The following TRPM3 variants were observed in gnomAD, a reference collection of about 807,000 sequenced individuals.
The protein encoded by TRPM3 is long transient receptor potential channel 3.
TRPM3 carries 77 observed loss-of-function variants against 181.2 expected under a neutral mutation model. That is an observed-to-expected ratio of 0.42 (90% CI 0.35 to 0.51). TRPM3 has a LOEUF of 0.51. TRPM3 is among the 20% of genes least tolerant of loss of function. The pLI is 0.01. For synonymous variants in TRPM3, 745 were observed against 796.4 expected, an observed-to-expected ratio of 0.94 and a Z score of 1.09; for missense variants, 1,759 against 2,196.7, an observed-to-expected ratio of 0.80 and a Z score of 3.98.
At chr9:70,949,017 A>C (rs781573568) in intron 1 of TRPM3, among the ~76,000 whole-genome samples, 1 of 152,080 alleles carries the variant, frequency 6.6e-6, no homozygotes, top group African/African-American at 2.4e-5. Context: ...CAACAATTAG[A>C]CTTAAATGTA....
In TRPM3 at chr9:70,537,171, G is replaced by A. The variant is rs1015516733; in HGVS notation, c.3942C>T (p.Asn1314=). The part of the protein sequence containing the change: ...AAYIVRQSSF[N]SQEGNTFKLQ... ...GCTTGAAGGTGTTCCCTTCCTGGCT[G>A]TTGAAGCTGCTCTGACGGACAATGT... The change falls in exon 26 of 26, where the codon AAC becomes AAT. Residue 1314 remains asparagine (N), a synonymous_variant. Transcript: ENST00000677713. 5 of 1,589,748 alleles carry A rather than the reference G, an allele frequency of 3.1e-6. No individual in the cohort carries two copies. The African/African-American group carries it at 6.7e-5, about 21-fold the overall frequency.
At chr9:71,072,168 A>G (rs2133565719) in intron 1 of TRPM3, among the ~76,000 whole-genome samples, 1 of 152,292 alleles carries the variant, frequency 6.6e-6, no homozygotes. Flanking sequence ...TCTAGTTTCC[A>G]GGAGTTTATG....
In TRPM3 at chr9:70,857,394, G is replaced by A. The variant is rs573913729; in HGVS notation, c.462+5514C>T. On this transcript the variant is annotated intron_variant, in intron 3 of 25. Coordinates refer to ENST00000677713, the MANE Select transcript of TRPM3 (RefSeq NM_001366145.2). ...GAGGACTGAACACTACAAAGTACTC[G>A]AAAAGGCACAGAAAATGGTTCTGTG... Among the ~76,000 whole-genome samples, 14 of 152,224 alleles carry A rather than the reference G, an allele frequency of 9.2e-5. No individual in the cohort carries two copies. The South Asian group carries it at 2.5e-3, about 27-fold the overall frequency.
chr9:70,942,592 T>C (rs2096896592), intron 1 of TRPM3, among the ~76,000 whole-genome samples: 1 of 152,218 alleles, frequency 6.6e-6, no homozygotes, highest in Non-Finnish European at 1.5e-5. Context: ...ACTTTTCCAG[T>C]AATGAAGGCT....
At chr9:70,750,626 G>C (rs11142565) in intron 8 of TRPM3, among the ~76,000 whole-genome samples, 33,242 of 152,156 alleles carry the variant, frequency 0.22, 4,465 homozygotes, top group Non-Finnish European at 0.3. Context: ...GCAGATGTGA[G>C]AGACACTGCC....
intron 1 of TRPM3, among the ~76,000 whole-genome samples, chr9:71,329,666 T>A (rs2089971646): frequency 6.6e-6 from 1 of 152,312 alleles, no homozygotes; most frequent in Admixed American, 6.5e-5. Context: ...ATCTTAAATA[T>A]CTTGCATCAA....
intron 1 of TRPM3, among the ~76,000 whole-genome samples, chr9:71,215,759 TA>T (rs2079824632): frequency 6.6e-6 from 1 of 152,218 alleles, no homozygotes. Context: ...TTTAATTGTG[TA>T]AGGCACTTGC....
intron 1 of TRPM3, among the ~76,000 whole-genome samples, chr9:70,957,154 G>C (rs2097085269): frequency 6.6e-6 from 1 of 151,824 alleles, no homozygotes; most frequent in Middle Eastern, 3.2e-3. Flanking sequence ...AGTAGAGACG[G>C]GGTTTCACCA....
At chr9:70,766,625 A>C (rs955635200) in intron 7 of TRPM3, among the ~76,000 whole-genome samples, 1 of 146,928 alleles carries the variant, frequency 6.8e-6, no homozygotes, top group Non-Finnish European at 1.5e-5. Flanking sequence ...CAAATTACTA[A>C]ATGTTATATT....
At chr9:70,604,715 C>G (rs10868859) in intron 19 of TRPM3, among the ~76,000 whole-genome samples, 82,470 of 151,868 alleles carry the variant, frequency 0.54, 23,558 homozygotes, top group Non-Finnish European at 0.63. Context: ...ATTGTGATCT[C>G]GGCTCATTGT....
intron 1 of TRPM3, among the ~76,000 whole-genome samples, chr9:71,248,915 C>A (rs1453471427): frequency 6.6e-6 from 1 of 152,086 alleles, no homozygotes; most frequent in African/African-American, 2.4e-5. Flanking sequence ...AGATAAAAAT[C>A]TTCATGAAGG....
At position 70,744,996 on chromosome 9, in the gene TRPM3, G is replaced by C. The variant is rs539862505; in HGVS notation, c.1272+16605C>G. ...TCTTGGTTTCTCTCTGTAAAATGGAGATACTAATACCGACCTCAGCAAGGT... is the reference window on the plus strand; with the variant it reads ...TCTTGGTTTCTCTCTGTAAAATGGACATACTAATACCGACCTCAGCAAGGT... On this transcript the variant is annotated intron_variant, in intron 8 of 25. Transcript: ENST00000677713. 9.9e-5 allele frequency among the ~76,000 whole-genome samples: 15 copies of C among 152,258 alleles called. No homozygotes were observed. In the South Asian group the frequency reaches 2.5e-3, roughly 25 times the overall value.
At chr9:70,822,599 A>T (rs1447852310) in intron 6 of TRPM3, among the ~76,000 whole-genome samples, 1 of 152,144 alleles carries the variant, frequency 6.6e-6, no homozygotes, top group East Asian at 1.9e-4. Context: ...TACAGTTTGG[A>T]ATGGTGAAAA....
intron 9 of TRPM3, among the ~76,000 whole-genome samples, chr9:70,665,457 G>A (rs1030891130): frequency 2.0e-5 from 3 of 152,098 alleles, no homozygotes; most frequent in African/African-American, 4.8e-5. Context: ...ATGGCCTTAC[G>A]ATGAATAACA....
chr9:71,229,981 C>T (rs894457513), intron 1 of TRPM3, among the ~76,000 whole-genome samples: 8 of 152,076 alleles, frequency 5.3e-5, no homozygotes, highest in Non-Finnish European at 8.8e-5. Flanking sequence ...CACTCCCATG[C>T]TTACTGTTGC....
chr9:71,299,027 T>C (rs2086543436), intron 1 of TRPM3, among the ~76,000 whole-genome samples: 1 of 152,160 alleles, frequency 6.6e-6, no homozygotes, highest in African/African-American at 2.4e-5. Context: ...CTGAATTTAA[T>C]TTTTTAATGT....
chr9:71,176,243 C>T (rs775561365), intron 1 of TRPM3, among the ~76,000 whole-genome samples: 1 of 152,080 alleles, frequency 6.6e-6, no homozygotes, highest in Non-Finnish European at 1.5e-5. Context: ...ATGACAGCTC[C>T]ATGCATGTTA....
At chr9:71,208,912 C>T (rs1433771207) in intron 1 of TRPM3, among the ~76,000 whole-genome samples, 1 of 152,102 alleles carries the variant, frequency 6.6e-6, no homozygotes, top group African/African-American at 2.4e-5. Context: ...AAACTGGAAC[C>T]TAAAACATCT....
At chr9:70,958,242 A>G (rs1219787757) in intron 1 of TRPM3, among the ~76,000 whole-genome samples, 5 of 152,130 alleles carry the variant, frequency 3.3e-5, no homozygotes, top group African/African-American at 1.2e-4. Flanking sequence ...CAAAGTTTGT[A>G]TGGTTCTGTG....
Sources: allele counts gnomAD v4.1 joint callset (sites outside exome capture counted in the v4.1 genomes callset), GRCh38; gene constraint gnomAD v4.1.1; transcripts MANE v1.5; gene names NCBI Gene and HGNC (gene_info 2026-07-23, HGNC 2026-07-21).